Variants in NELL1 observed in about 807,000 individuals in gnomAD.
NELL1 encodes the protein neural EGFL like 1.
Under a neutral mutation model 107.4 loss-of-function variants are expected in NELL1, and 76 were observed. The ratio of observed to expected loss-of-function variants is 0.71; its 90% CI spans 0.59 to 0.86. NELL1 has a LOEUF of 0.86. Ranked by LOEUF, NELL1 falls within the 40% of genes least tolerant of loss-of-function variation. NELL1 has a pLI of 0.00. For synonymous variants in NELL1, 353 were observed against 341.2 expected (o/e 1.03, Z -0.38); for missense variants, 1,024 against 1,005.5 (o/e 1.02, Z -0.25).
intron 2 of NELL1, among the ~76,000 whole-genome samples, chr11:20,771,790 C>G (rs1856646307): frequency 1.3e-5 from 2 of 152,148 alleles, no homozygotes; most frequent in Admixed American, 1.3e-4. Context: ...GCCCGCGGAG[C>G]CACAGGAGCT....
chr11:21,088,059 C>CTT (rs1554966398), intron 12 of NELL1, among the ~76,000 whole-genome samples: 1 of 135,992 alleles, frequency 7.4e-6, no homozygotes, highest in African/African-American at 2.8e-5. Flanking sequence ...CCCAGTAGCT[C>CTT]TGTGTGTGTG....
rs1484545388 is a variant in NELL1 at position 20,727,714 on chromosome 11, G to T, written c.184+49654G>T. Among the ~76,000 whole-genome samples, 4 of 152,254 alleles carry T rather than the reference G, an allele frequency of 2.6e-5. No individual in the cohort carries two copies. In the East Asian group the frequency reaches 7.7e-4, roughly 29 times the overall value. ...GGTATTGCCTAGGTTTTCTTCTAGG[G>T]TTTTTATGGTTTTAGGTCTAACATT... On this transcript the variant is annotated intron_variant, in intron 2 of 19. Transcript: ENST00000357134.
At chr11:21,438,724 GT>G (rs1012808675) in intron 15 of NELL1, among the ~76,000 whole-genome samples, 18 of 151,644 alleles carry the variant, frequency 1.2e-4, no homozygotes, top group African/African-American at 4.4e-4. Flanking sequence ...TCTTCTGCTT[GT>G]TTTAGACTAC....
intron 12 of NELL1, among the ~76,000 whole-genome samples, chr11:20,966,598 C>G (rs557221469): frequency 3.9e-5 from 6 of 152,124 alleles, no homozygotes; most frequent in African/African-American, 1.4e-4. Flanking sequence ...CTTCCAGTAC[C>G]CAGGTATCTG....
intron 13 of NELL1, among the ~76,000 whole-genome samples, chr11:21,124,732 G>A (rs1271505274): frequency 6.6e-6 from 1 of 151,856 alleles, no homozygotes; most frequent in Non-Finnish European, 1.5e-5. Context: ...CTCCCAAGTA[G>A]CTGGGATTAC....
chr11:20,867,189 A>G (rs1339575121), intron 4 of NELL1, among the ~76,000 whole-genome samples: 1 of 152,204 alleles, frequency 6.6e-6, no homozygotes, highest in Non-Finnish European at 1.5e-5. Flanking sequence ...AATGAGGGGA[A>G]AGTAGAATGA....
intron 13 of NELL1, among the ~76,000 whole-genome samples, chr11:21,220,693 G>A (rs528595814): frequency 1.3e-5 from 2 of 152,104 alleles, no homozygotes; most frequent in Admixed American, 1.3e-4. Context: ...GTATAGAAAT[G>A]TACCCATTTT....
intron 14 of NELL1, among the ~76,000 whole-genome samples, chr11:21,358,908 T>C (rs1405732352): frequency 2.6e-5 from 4 of 152,146 alleles, no homozygotes; most frequent in Admixed American, 6.6e-5. Flanking sequence ...GTTTTCTAGG[T>C]ATACAATTGG....
intron 15 of NELL1, among the ~76,000 whole-genome samples, chr11:21,457,227 G>T (rs1853769295): frequency 6.6e-6 from 1 of 152,098 alleles, no homozygotes; most frequent in Non-Finnish European, 1.5e-5. Flanking sequence ...GTTCTTGGCT[G>T]GGTGGGTTGG....
chr11:21,448,548 T>C (rs1420229186), intron 15 of NELL1, among the ~76,000 whole-genome samples: 1 of 152,210 alleles, frequency 6.6e-6, no homozygotes, highest in Non-Finnish European at 1.5e-5. Context: ...ACATATATAA[T>C]ATTTTTAGCA....
chr11:21,062,771 G>T (rs185133051), intron 12 of NELL1, among the ~76,000 whole-genome samples: 3 of 152,086 alleles, frequency 2.0e-5, no homozygotes, highest in Non-Finnish European at 4.4e-5. Context: ...CAGAATTCAG[G>T]CAAGTTCTAC....
At position 21,271,977 on chromosome 11, in the gene NELL1, G is replaced by A. The variant is rs147688770; in HGVS notation, c.1549+42523G>A. 6.2e-3 allele frequency among the ~76,000 whole-genome samples: 945 copies of A among 152,226 alleles called. 30 individuals carry two copies. In the East Asian group the frequency reaches 0.095, roughly 15 times the overall value. ...CCAGTCCACAGTTCCCAGCATGAGC[G>A]ATGCAGAAGATGGGTGATTTCTGCA... is the stretch of plus-strand genomic sequence containing the variant. On this transcript the variant is annotated intron_variant, in intron 14 of 19. Transcript: ENST00000357134.
intron 5 of NELL1, among the ~76,000 whole-genome samples, chr11:20,900,648 C>T (rs2403641): frequency 0.6 from 90,856 of 151,908 alleles, 32,561 homozygotes; most frequent in Non-Finnish European, 0.8. Flanking sequence ...GCAGAGTAGA[C>T]AAGGACCGTA....
At chr11:21,011,202 T>G (rs183486495) in intron 12 of NELL1, among the ~76,000 whole-genome samples, 159 of 152,252 alleles carry the variant, frequency 1.0e-3, no homozygotes, top group African/African-American at 3.5e-3. Flanking sequence ...CCCAAGAATA[T>G]CCTCTATGAT....
At chr11:21,552,650 C>T (rs892055539) in intron 16 of NELL1, among the ~76,000 whole-genome samples, 15 of 151,796 alleles carry the variant, frequency 9.9e-5, no homozygotes, top group African/African-American at 3.4e-4. Flanking sequence ...AATTAGGGGG[C>T]AGCCCCAGAG....
At chr11:21,044,026 T>C (rs531118080) in intron 12 of NELL1, among the ~76,000 whole-genome samples, 8 of 152,240 alleles carry the variant, frequency 5.3e-5, no homozygotes, top group African/African-American at 1.7e-4. Flanking sequence ...CTGGGAGTTA[T>C]CAGGATATAA....
intron 2 of NELL1, among the ~76,000 whole-genome samples, chr11:20,731,901 T>C (rs1400171671): frequency 6.6e-6 from 1 of 152,210 alleles, no homozygotes; most frequent in Non-Finnish European, 1.5e-5. Flanking sequence ...GGTAAACACG[T>C]TGGCTTTGTC....
intron 2 of NELL1, among the ~76,000 whole-genome samples, chr11:20,706,895 T>C (rs1364538535): frequency 1.3e-5 from 2 of 152,170 alleles, no homozygotes; most frequent in East Asian, 3.9e-4. Context: ...TGTGGCGTTC[T>C]CTGTATTTCC....
intron 15 of NELL1, among the ~76,000 whole-genome samples, chr11:21,382,239 C>A (rs1041303125): frequency 3.3e-5 from 5 of 151,862 alleles, no homozygotes; most frequent in African/African-American, 1.2e-4. Flanking sequence ...TGGGAGTAAT[C>A]ATCCAAATAT....
Sources: allele counts gnomAD v4.1 joint callset (sites outside exome capture counted in the v4.1 genomes callset), GRCh38; gene constraint gnomAD v4.1.1; transcripts MANE v1.5; gene names NCBI Gene and HGNC (gene_info 2026-07-23, HGNC 2026-07-21).